The following AP3S2 variants were observed in gnomAD, a reference collection of about 807,000 sequenced individuals.
AP3S2 encodes AP-3 complex subunit sigma-2.
A neutral mutation model predicts 23.4 loss-of-function variants in AP3S2; 22 were observed. The observed-to-expected ratio is 0.94, with a 90% CI of 0.67 to 1.34. The LOEUF is 1.34. Ranked by LOEUF, AP3S2 falls within the 40% of genes most tolerant of loss-of-function variation. The pLI is 0.00. For missense variants in AP3S2, 241 were observed against 236.9 expected (o/e 1.02, Z -0.11); for synonymous variants, 86 against 87.1 (o/e 0.99, Z 0.07).
intron 4 of AP3S2, among the ~76,000 whole-genome samples, chr15:89,844,290 TCTTTA>T (rs1458951995): frequency 1.4e-5 from 2 of 146,586 alleles, no homozygotes; most frequent in Admixed American, 1.4e-4. Flanking sequence ...TCTCTTTCTT[TCTTTA>T]CTTTTTTCTT....
intron 1 of AP3S2, among the ~76,000 whole-genome samples, chr15:89,892,028 G>T (rs1896832175): frequency 6.6e-6 from 1 of 152,048 alleles, no homozygotes; most frequent in Non-Finnish European, 1.5e-5. Context: ...CCATATAATG[G>T]AATATTATTC....
intron 4 of AP3S2, among the ~76,000 whole-genome samples, chr15:89,859,590 T>G (rs1483465177): frequency 6.6e-6 from 1 of 151,584 alleles, no homozygotes; most frequent in Non-Finnish European, 1.5e-5. Flanking sequence ...AGACGGAGTT[T>G]CACCACGTTG....
At chr15:89,877,453 T>G in intron 3 of AP3S2, 4 of 1,211,556 alleles carry the variant, frequency 3.3e-6, no homozygotes, top group Non-Finnish European at 4.4e-6. Flanking sequence ...AACATAAAAT[T>G]TACCATCATA....
rs1398732875 is a variant in AP3S2, at chr15:89,832,643, C to T, written c.*2872G>A. 6 of 151,982 alleles carry T rather than the reference C, an allele frequency of 3.9e-5. No individual in the cohort carries two copies. Among genetic ancestry groups the T allele is most frequent in the African/African-American group, 1.5e-4 (6 of 41,368 alleles). 9.4% of individuals were successfully genotyped at this position (151,982 alleles called of 1,614,324 possible). On this transcript the variant is annotated 3_prime_UTR_variant, in exon 6 of 6. Transcript: ENST00000336418. ...AGCTGGGACTACAGGTGTCCACTAC[C>T]ACGGCTGGCCAATTTTTTGTATTTT... is the stretch of plus-strand genomic sequence containing the variant.
At chr15:89,857,272 G>A (rs1245051467) in intron 4 of AP3S2, among the ~76,000 whole-genome samples, 1 of 152,114 alleles carries the variant, frequency 6.6e-6, no homozygotes. Context: ...GTGAGCCACC[G>A]TGCCTAGTTT....
At chr15:89,849,783 C>T (rs1431071146) in intron 4 of AP3S2, among the ~76,000 whole-genome samples, 1 of 152,164 alleles carries the variant, frequency 6.6e-6, no homozygotes, top group African/African-American at 2.4e-5. Context: ...CACCCATCAA[C>T]TGGTCATCTA....
At position 89,835,410 on chromosome 15, in the gene AP3S2, A is replaced by T. The variant is rs1052270820; in HGVS notation, c.*105T>A. ...CCAGACACAAAGTTTCCAGGTCCTG[A>T]GGCTTGACTCTTCTAAGGCTCAAAA... On this transcript the variant is annotated 3_prime_UTR_variant, in exon 6 of 6. Transcript: ENST00000336418. The T allele has an allele frequency of 1.9e-6, 3 of 1,538,956 alleles. No homozygotes were observed. The highest frequency in any genetic ancestry group is 2.6e-6 in the Non-Finnish European group (3 of 1,142,388).
intron 4 of AP3S2, among the ~76,000 whole-genome samples, chr15:89,855,706 TG>T (rs1895814437): frequency 1.4e-5 from 2 of 140,412 alleles, no homozygotes; most frequent in South Asian, 4.6e-4. Context: ...AAAAATTAGC[TG>T]GGCGTGGTGG....
intron 3 of AP3S2, chr15:89,884,161 GCTT>G (rs1187153579): frequency 1.3e-5 from 2 of 153,120 alleles, no homozygotes; most frequent in African/African-American, 4.8e-5. Context: ...AATCAAAAAT[GCTT>G]CTTATTCCAG....
At chr15:89,878,668 C>G (rs532709956) in intron 3 of AP3S2, among the ~76,000 whole-genome samples, 22 of 152,264 alleles carry the variant, frequency 1.4e-4, no homozygotes, top group African/African-American at 4.8e-4. Context: ...TCAAGCAATC[C>G]TTCAACCTCA....
At chr15:89,875,599 TGAG>T (rs3055920) in intron 3 of AP3S2, among the ~76,000 whole-genome samples, 68,916 of 151,726 alleles carry the variant, frequency 0.45, 15,832 homozygotes, top group East Asian at 0.6. Flanking sequence ...AATACACTTC[TGAG>T]GAGCATAATG....
chr15:89,846,059 T>A (rs896714544), intron 4 of AP3S2, among the ~76,000 whole-genome samples: 1 of 152,220 alleles, frequency 6.6e-6, no homozygotes, highest in African/African-American at 2.4e-5. Context: ...TATCTTGATA[T>A]AAGGGGAAGG....
chr15:89,887,380 T>G, intron 3 of AP3S2, among the ~76,000 whole-genome samples: 1 of 136,644 alleles, frequency 7.3e-6, no homozygotes, highest in South Asian at 2.2e-4. Context: ...TTTATTATTA[T>G]TTTTTTTTTG....
At chr15:89,871,793 T>C (rs1368090893) in intron 3 of AP3S2, among the ~76,000 whole-genome samples, 1 of 152,132 alleles carries the variant, frequency 6.6e-6, no homozygotes, top group African/African-American at 2.4e-5. Context: ...CAGACACATG[T>C]GGCTCTTTCC....
rs1895131501 is a variant in AP3S2 at position 89,833,840 on chromosome 15, A to G, written c.*1675T>C. 6.6e-6 allele frequency: 1 copy of G among 152,280 alleles called. No homozygotes were observed. The highest frequency in any genetic ancestry group is 6.5e-5 in the Admixed American group (1 of 15,286). 9.4% of individuals were successfully genotyped at this position (152,280 alleles called of 1,614,324 possible). A position where few individuals can be genotyped will look rare whatever the true frequency, so the allele number is the denominator to read the frequency against. On this transcript the variant is annotated 3_prime_UTR_variant, in exon 6 of 6. Transcript: ENST00000336418. ...AAACCACAGGGAGCGCTGTTCAAAA[A>G]TGGAAAACAAGGTGGCCCTGACACC...
At chr15:89,872,881 G>A (rs940721574) in intron 3 of AP3S2, among the ~76,000 whole-genome samples, 1 of 152,144 alleles carries the variant, frequency 6.6e-6, no homozygotes, top group Non-Finnish European at 1.5e-5. Context: ...TCTTGAGACT[G>A]GTAACCAGTG....
chr15:89,879,712 T>C (rs1896525512), intron 3 of AP3S2, among the ~76,000 whole-genome samples: 1 of 152,000 alleles, frequency 6.6e-6, no homozygotes, highest in Non-Finnish European at 1.5e-5. Context: ...TTCAAGTGAT[T>C]TTCCTGCCTC....
intron 3 of AP3S2, among the ~76,000 whole-genome samples, chr15:89,879,022 G>C (rs934414568): frequency 6.6e-6 from 1 of 152,136 alleles, no homozygotes; most frequent in Non-Finnish European, 1.5e-5. Flanking sequence ...TTGGGATTAC[G>C]GGCGTGGGCC....
At chr15:89,880,940 A>G (rs1173932975) in intron 3 of AP3S2, among the ~76,000 whole-genome samples, 2 of 152,194 alleles carry the variant, frequency 1.3e-5, no homozygotes, top group African/African-American at 4.8e-5. Context: ...ATGAAACAAG[A>G]TATTTTCTAT....
Sources: gnomAD v4.1 joint callset for allele counts (sites outside exome capture counted in the v4.1 genomes callset) on GRCh38, gnomAD v4.1.1 for gene constraint, MANE v1.5 for transcripts, NCBI Gene and HGNC (gene_info 2026-07-23, HGNC 2026-07-21) for gene names.